The following NFIB variants were observed in gnomAD, a reference collection of about 807,000 sequenced individuals.
The protein encoded by NFIB is nuclear factor 1 B-type.
Under a neutral mutation model 61.5 loss-of-function variants are expected in NFIB, and 11 were observed. That is an observed-to-expected ratio of 0.18 (90% CI 0.11 to 0.30). NFIB has a LOEUF of 0.30. Among genes scored for constraint, NFIB ranks in the 10% least tolerant of loss-of-function variants. The probability of loss-of-function intolerance (pLI) is 1.00; values close to 1 mark genes in which losing one functional copy is unlikely to be tolerated. For missense variants in NFIB, 471 were observed against 608.9 expected, an observed-to-expected ratio of 0.77 and a Z score of 2.38; for synonymous variants, 260 against 216.5, an observed-to-expected ratio of 1.20 and a Z score of -1.76.
chr9:14,503,830 G>A, the NFIB span, among the ~76,000 whole-genome samples: 1 of 152,130 alleles, frequency 6.6e-6, no homozygotes, highest in East Asian at 1.9e-4. Context: ...GTTTAATTAA[G>A]TCCCATCTAT....
chr9:14,443,031 C>T, the NFIB span, among the ~76,000 whole-genome samples: 2 of 104,540 alleles, frequency 1.9e-5, no homozygotes, highest in Non-Finnish European at 3.7e-5. Context: ...CCCAACCCCC[C>T]ACCCGCCCCC....
chr9:14,485,952 G>A, the NFIB span, among the ~76,000 whole-genome samples: 1 of 152,048 alleles, frequency 6.6e-6, no homozygotes, highest in Non-Finnish European at 1.5e-5. Context: ...ATGGAAATGG[G>A]ACATATAGAC....
intron 2 of NFIB, among the ~76,000 whole-genome samples, chr9:14,243,481 G>A (rs1044479414): frequency 6.6e-6 from 1 of 152,068 alleles, no homozygotes; most frequent in Non-Finnish European, 1.5e-5. Flanking sequence ...TCTAGAAGAG[G>A]AGCAGGTTTG....
intron 6 of NFIB, among the ~76,000 whole-genome samples, chr9:14,135,872 G>C (rs1253865140): frequency 6.6e-6 from 1 of 152,070 alleles, no homozygotes. Context: ...TAATTACTGA[G>C]TTATTTAATC....
intron 1 of NFIB, among the ~76,000 whole-genome samples, chr9:14,359,754 CCTT>C (rs1564030094): frequency 6.6e-6 from 1 of 152,116 alleles, no homozygotes; most frequent in African/African-American, 2.4e-5. Context: ...CAAACACTCT[CCTT>C]CTCCCTGGGG....
rs1334338827 is a variant in NFIB at position 14,086,136 on chromosome 9, T to G, written c.*2173A>C. 4.5e-6 allele frequency: 1 copy of G among 224,432 alleles called. No individual in the cohort carries two copies. Among genetic ancestry groups the G allele is most frequent in the Non-Finnish European group, 8.9e-6 (1 of 112,210 alleles). 13.9% of individuals were successfully genotyped at this position (224,432 alleles called of 1,614,324 possible). ...AGTTAGAGAGGGGAACCTGTGTAAG[T>G]TGAAGTTTGTCACAGTAGGCAGAAC... On this transcript the variant is annotated 3_prime_UTR_variant, in exon 11 of 11. Coordinates refer to ENST00000380953, the MANE Select transcript of NFIB (RefSeq NM_001190737.2).
At chr9:14,201,008 A>G (rs886312070) in intron 2 of NFIB, among the ~76,000 whole-genome samples, 2 of 151,710 alleles carry the variant, frequency 1.3e-5, no homozygotes, top group Admixed American at 6.6e-5. Context: ...AGAAACCCCA[A>G]CTCCCCAAAG....
In NFIB at chr9:14,287,477, G is replaced by A. The variant is rs1563977663; in HGVS notation, c.562+19512C>T. Among the ~76,000 whole-genome samples, 4 of 151,776 alleles carry A rather than the reference G, an allele frequency of 2.6e-5. 1 individual carries two copies. The highest frequency in any genetic ancestry group is 4.1e-4 in the South Asian group (2 of 4,820). On this transcript the variant is annotated intron_variant, in intron 2 of 10. Coordinates refer to ENST00000380953, the MANE Select transcript of NFIB (RefSeq NM_001190737.2). ...CTGCTCTCGTTGCTCAGGCCGCAGC[G>A]CAATGGCGCGATCTCGGCTCACTGC... is the stretch of plus-strand genomic sequence containing the variant.
At chr9:14,487,408 G>C in the NFIB span, among the ~76,000 whole-genome samples, 2 of 152,184 alleles carry the variant, frequency 1.3e-5, no homozygotes, top group African/African-American at 4.8e-5. Context: ...AGATCTCATG[G>C]AACGAAATTG....
chr9:14,306,972 G>A lies in NFIB; in HGVS notation c.562+17C>T, dbSNP rs758889545. On this transcript the variant is annotated intron_variant, in intron 2 of 10. Transcript: ENST00000380953. ...GCGGTGTTTGCCGTGCTAGAAAAAA[G>A]AACAATCTGCTCCTACCTTGCTCCT... 4 of 1,611,244 alleles carry A rather than the reference G, an allele frequency of 2.5e-6. No homozygotes were observed. The highest frequency in any genetic ancestry group is 3.3e-5 in the Admixed American group (2 of 59,934).
chr9:14,272,570 C>T (rs10961457), intron 2 of NFIB, among the ~76,000 whole-genome samples: 2,523 of 151,658 alleles, frequency 0.017, 40 homozygotes, highest in Non-Finnish European at 0.025. Context: ...CTGCCAGTTT[C>T]ATAAAACATA....
chr9:14,213,970 T>C (rs1486168513), intron 2 of NFIB, among the ~76,000 whole-genome samples: 1 of 152,050 alleles, frequency 6.6e-6, no homozygotes, highest in African/African-American at 2.4e-5. Context: ...AGTCCCCTCA[T>C]TTCACCTCAC....
At chr9:14,168,438 C>T (rs2045179482) in intron 3 of NFIB, among the ~76,000 whole-genome samples, 1 of 152,144 alleles carries the variant, frequency 6.6e-6, no homozygotes, top group Non-Finnish European at 1.5e-5. Flanking sequence ...CAAGGGAGTA[C>T]AAGCATTCTA....
intron 2 of NFIB, among the ~76,000 whole-genome samples, chr9:14,295,740 G>A (rs996017163): frequency 6.6e-6 from 1 of 151,850 alleles, no homozygotes; most frequent in Non-Finnish European, 1.5e-5. Flanking sequence ...TCTCCCAAAT[G>A]GTGGCAATTT....
chr9:14,416,537 T>A, the NFIB span, among the ~76,000 whole-genome samples: 1 of 151,560 alleles, frequency 6.6e-6, no homozygotes, highest in African/African-American at 2.4e-5. Context: ...AAAGAAAAAA[T>A]TAAAATACAA....
chr9:14,212,425 C>G (rs538862043), intron 2 of NFIB, among the ~76,000 whole-genome samples: 1 of 152,248 alleles, frequency 6.6e-6, no homozygotes, highest in South Asian at 2.1e-4. Context: ...TACTAAAGTA[C>G]AGTACACCAT....
intron 1 of NFIB, among the ~76,000 whole-genome samples, chr9:14,393,048 T>C (rs979287647): frequency 3.9e-5 from 6 of 152,246 alleles, no homozygotes; most frequent in African/African-American, 1.4e-4. Context: ...TTACCATCAT[T>C]TTTCCAGCAT....
At chr9:14,351,355 G>A (rs570325561) in intron 1 of NFIB, among the ~76,000 whole-genome samples, 2 of 152,148 alleles carry the variant, frequency 1.3e-5, no homozygotes, top group Non-Finnish European at 2.9e-5. Context: ...TCTCAACAGC[G>A]CCAGCCCTGT....
At chr9:14,129,259 G>C (rs957144755) in intron 6 of NFIB, among the ~76,000 whole-genome samples, 1 of 151,926 alleles carries the variant, frequency 6.6e-6, no homozygotes, top group Non-Finnish European at 1.5e-5. Context: ...CAGAATATAG[G>C]TTTAATTGCC....
Sources: gnomAD v4.1 joint callset for allele counts (sites outside exome capture counted in the v4.1 genomes callset) on GRCh38, gnomAD v4.1.1 for gene constraint, MANE v1.5 for transcripts, NCBI Gene and HGNC (gene_info 2026-07-23, HGNC 2026-07-21) for gene names.